Variants in CAND2 observed in about 807,000 individuals in gnomAD.
CAND2 encodes the protein cullin-associated NEDD8-dissociated protein 2.
Under a neutral mutation model 98.9 loss-of-function variants are expected in CAND2, and 62 were observed. The observed-to-expected ratio is 0.63, with a 90% CI of 0.51 to 0.77. The LOEUF (loss-of-function observed/expected upper bound fraction) is 0.77, where lower values mean the gene tolerates loss of function less well. Among genes scored for constraint, CAND2 ranks in the 30% least tolerant of loss-of-function variants. The pLI is 0.00. For synonymous variants in CAND2, 770 were observed against 731.9 expected, an observed-to-expected ratio of 1.05 and a Z score of -0.84; for missense variants, 1,501 against 1,655.2, an observed-to-expected ratio of 0.91 and a Z score of 1.62.
In CAND2 at chr3:12,826,867, G is replaced by C. The variant is rs530470857; in HGVS notation, c.3211-573G>C. On this transcript the variant is annotated intron_variant, in intron 12 of 14. Coordinates refer to ENST00000456430, the MANE Select transcript of CAND2 (RefSeq NM_001162499.2). ...TTTTTTTGAGATGGAGTCTCGCTCT[G>C]TCACCCAGGCTGGAGTGCAGTGGCG... Among the ~76,000 whole-genome samples, 3 of 136,864 alleles carry C rather than the reference G, an allele frequency of 2.2e-5. No individual in the cohort carries two copies. The South Asian group carries it at 6.8e-4, about 31-fold the overall frequency. 89.8% of individuals were successfully genotyped at this position (136,864 alleles called of 152,430 possible).
chr3:12,802,951 A>AAAAT (rs779552521), intron 1 of CAND2, among the ~76,000 whole-genome samples: 19 of 152,100 alleles, frequency 1.2e-4, no homozygotes, highest in Non-Finnish European at 2.6e-4. Context: ...AGAAAAGATT[A>AAAAT]AAATGGCATG....
At chr3:12,812,092 A>T (rs896318312) in intron 5 of CAND2, among the ~76,000 whole-genome samples, 2 of 148,842 alleles carry the variant, frequency 1.3e-5, no homozygotes, top group African/African-American at 2.5e-5. Context: ...TATTTTTAGT[A>T]GAGATGGAGT....
chr3:12,825,492 G>T lies in CAND2; in HGVS notation c.3063G>T (p.Gln1021His), dbSNP rs2061991490. 6.4e-7 allele frequency: 1 copy of T among 1,560,420 alleles called. No homozygotes were observed. The stretch of plus-strand genomic sequence containing the variant: ...CAGGAGAGTTCATGGAGAGCCTGCA[G>T]GACCCAGACCTGAACGTGCGCCGTG... ...SFIGEFMESLQDPDLNVRRAT... is the reference protein window; with the variant it reads ...SFIGEFMESLHDPDLNVRRAT... The change falls in exon 12 of 15, where the codon CAG becomes CAT. Residue 1021 changes from glutamine (Q) to histidine (H), a missense_variant. By Grantham distance (24) the Gln-to-His change is conservative (BLOSUM62 0). Around this residue, in one of 3 missense-constraint regions of CAND2, gnomAD observed 1,427 missense variants for 1,545.3 expected, o/e 0.92. Transcript: ENST00000456430.
At chr3:12,820,616 G>A (rs529728481) in intron 11 of CAND2, among the ~76,000 whole-genome samples, 28 of 152,298 alleles carry the variant, frequency 1.8e-4, no homozygotes, top group South Asian at 1.0e-3. Context: ...CCCCGGCCCC[G>A]CCTGTCCACT....
At position 12,808,010 on chromosome 3, in the gene CAND2, C is replaced by T. The variant is rs188344699; in HGVS notation, c.368-200C>T. Among the ~76,000 whole-genome samples the T allele has an allele frequency of 1.5e-3, 227 of 152,342 alleles. 2 individuals are homozygous for T. The highest frequency in any genetic ancestry group is 1.3e-3 in the Non-Finnish European group (89 of 68,040). Reference sequence around the variant, plus strand: ...GGTGTGTGTAAGTCACCCAGAAGCTCGGCCATCAGCTCTGCAGCTCCCCTA... The same window carrying T: ...GGTGTGTGTAAGTCACCCAGAAGCTTGGCCATCAGCTCTGCAGCTCCCCTA... On this transcript the variant is annotated intron_variant, in intron 3 of 14. Transcript: ENST00000456430.
chr3:12,810,964 T>G (rs1189258845), intron 5 of CAND2, among the ~76,000 whole-genome samples: 1 of 152,218 alleles, frequency 6.6e-6, no homozygotes, highest in Non-Finnish European at 1.5e-5. Context: ...ATAGATTAGT[T>G]TTTTAGAAAT....
Position 12,808,226 on chromosome 3 carries a change from C to T in CAND2, c.384C>T (p.Thr128=). The change falls in exon 4 of 15, where the codon ACC becomes ACT. Residue 128 remains threonine, a synonymous_variant. Transcript: ENST00000456430. ...PPAATGSGLA[T]NVCRKITGQL... ...CCTGTGCAGGCTCCGGGCTGGCCACCAACGTGTGCCGGAAGATCACAGGCC... is the reference window on the plus strand; with the variant it reads ...CCTGTGCAGGCTCCGGGCTGGCCACTAACGTGTGCCGGAAGATCACAGGCC... 1.3e-6 allele frequency: 2 copies of T among 1,551,180 alleles called. No individual in the cohort carries two copies. The highest frequency in any genetic ancestry group is 1.7e-6 in the Non-Finnish European group (2 of 1,146,956).
At chr3:12,823,163 C>T (rs571801697) in intron 11 of CAND2, among the ~76,000 whole-genome samples, 1 of 152,316 alleles carries the variant, frequency 6.6e-6, no homozygotes, top group African/African-American at 2.4e-5. Flanking sequence ...AAAACTAATA[C>T]TCGTGTGTAG....
chr3:12,818,676 CAG>C (rs1327959495), intron 10 of CAND2, among the ~76,000 whole-genome samples: 1 of 152,210 alleles, frequency 6.6e-6, no homozygotes, highest in African/African-American at 2.4e-5. Context: ...CTCTGCTTGA[CAG>C]AATGCAGGTA....
intron 1 of CAND2, among the ~76,000 whole-genome samples, chr3:12,798,690 G>T (rs1310309276): frequency 6.6e-6 from 1 of 152,174 alleles, no homozygotes; most frequent in African/African-American, 2.4e-5. Flanking sequence ...AGTTGGCCCT[G>T]CCAGCTACAG....
At chr3:12,819,470 T>C (rs1290964918) in intron 10 of CAND2, among the ~76,000 whole-genome samples, 2 of 152,174 alleles carry the variant, frequency 1.3e-5, no homozygotes. Flanking sequence ...CTTCCCCTCT[T>C]TACTGGGCTT....
intron 6 of CAND2, 32 bp downstream of exon 6, chr3:12,813,127 T>C (rs2305396): frequency 0.055 from 85,819 of 1,566,408 alleles, 3,144 homozygotes; most frequent in African/African-American, 0.17. Flanking sequence ...GGGGATCCCT[T>C]TGGGAAGTTG....
At chr3:12,803,447 C>G (rs747381522) in intron 1 of CAND2, 41 bp from the exon 2 acceptor site, 4 of 1,543,352 alleles carry the variant, frequency 2.6e-6, no homozygotes, top group South Asian at 1.3e-5. Flanking sequence ...CCACCAGGGC[C>G]CAGGAGCTGC....
Position 12,817,630 on chromosome 3 carries a change from C to A in CAND2, c.2698C>A (p.Leu900Met), listed in dbSNP as rs759880336. ...CAGCCTGCCCGACTTCCTGCCCTTC[C>A]TGCTGGAGCAGATCGAGGCTGAGCC... ...AGSLPDFLPF[L>M]LEQIEAEPRR... is the part of the protein sequence containing the mutation. The change falls in exon 10 of 15, where the codon CTG (leucine) becomes ATG (methionine). Residue 900 changes from leucine (L) to methionine (M), a missense_variant. By Grantham distance (15) the Leu-to-Met change is conservative. Around this residue, in one of 3 missense-constraint regions of CAND2, gnomAD observed 1,427 missense variants for 1,545.3 expected, o/e 0.92. Transcript: ENST00000456430. 1.2e-6 allele frequency: 2 copies of A among 1,613,502 alleles called. No homozygotes were observed. Among genetic ancestry groups the A allele is most frequent in the African/African-American group, 2.7e-5 (2 of 74,960 alleles).
At position 12,816,371 on chromosome 3, in the gene CAND2, C is replaced by A. The variant is rs185217277; in HGVS notation, c.1442-3C>A. 4 of 1,606,156 alleles carry A rather than the reference C, an allele frequency of 2.5e-6. No individual in the cohort carries two copies. Among genetic ancestry groups the A allele is most frequent in the Admixed American group, 3.4e-5 (2 of 59,688 alleles). ...CCTCATAACCTTTGCATTCACCCTG[C>A]AGGCATCATCTTCTCGCTGGCCGAC... On this transcript the variant is annotated splice_polypyrimidine_tract_variant and splice_region_variant and intron_variant, in intron 9 of 14. Transcript: ENST00000456430.
chr3:12,797,867 G>A (rs2061737565), intron 1 of CAND2, among the ~76,000 whole-genome samples: 1 of 152,160 alleles, frequency 6.6e-6, no homozygotes, highest in Admixed American at 6.5e-5. Context: ...CCCCCTGACA[G>A]GTGAGGAGAC....
intron 1 of CAND2, among the ~76,000 whole-genome samples, chr3:12,801,163 C>G (rs2061763787): frequency 6.6e-6 from 1 of 151,784 alleles, no homozygotes; most frequent in Non-Finnish European, 1.5e-5. Context: ...TCAGCCTTCC[C>G]AGTAGCTAGG....
At position 12,808,191 on chromosome 3, in the gene CAND2, C is replaced by T. The variant is rs2061822265; in HGVS notation, c.368-19C>T. Reference sequence around the variant, plus strand: ...CCCCAGGCCAGGGCCTCACTGTGCCCACCTTGTGCCCTGTGCAGGCTCCGG... The same window carrying T: ...CCCCAGGCCAGGGCCTCACTGTGCCTACCTTGTGCCCTGTGCAGGCTCCGG... On this transcript the variant is annotated intron_variant, in intron 3 of 14. Coordinates refer to ENST00000456430, the MANE Select transcript of CAND2 (RefSeq NM_001162499.2). 4 of 1,550,476 alleles carry T rather than the reference C, an allele frequency of 2.6e-6. No homozygotes were observed. The highest frequency in any genetic ancestry group is 2.6e-6 in the Non-Finnish European group (3 of 1,146,738).
chr3:12,796,827 C>T (rs1050398475), intron 1 of CAND2, 39 bp downstream of exon 1: 25 of 1,530,664 alleles, frequency 1.6e-5, no homozygotes, highest in Non-Finnish European at 2.0e-5. Flanking sequence ...CCTTCCCGCT[C>T]TGAAGCCGGG....
Sources: gnomAD v4.1 joint callset for allele counts (sites outside exome capture counted in the v4.1 genomes callset) on GRCh38, gnomAD v4.1.1 for gene constraint, gnomAD v4.1.1 regional missense constraint, MANE v1.5 for transcripts, NCBI Gene and HGNC (gene_info 2026-07-23, HGNC 2026-07-21) for gene names.